The following DCAF8 variants were observed in gnomAD, a reference collection of about 807,000 sequenced individuals.
DCAF8 encodes the protein DDB1- and CUL4-associated factor 8.
DCAF8 carries 20 observed loss-of-function variants against 68.0 expected under a neutral mutation model. That is an observed-to-expected ratio of 0.29 (90% confidence interval 0.21 to 0.43). DCAF8 has a LOEUF of 0.43. Ranked by LOEUF, DCAF8 falls within the 20% of genes least tolerant of loss-of-function variation. The pLI, the probability that DCAF8 is intolerant of heterozygous loss-of-function variation, is 1.00. For missense variants in DCAF8, 460 were observed against 771.0 expected (o/e 0.60, Z 4.78); for synonymous variants, 230 against 276.9 (o/e 0.83, Z 1.68).
chr1:160,217,740 C>T, intron 13 of DCAF8, 32 bp from the exon 14 acceptor site: 1 of 1,557,900 alleles, frequency 6.4e-7, no homozygotes, highest in Non-Finnish European at 8.9e-7. Flanking sequence ...TAGTAACTTC[C>T]CTGGATGGAA....
At chr1:160,236,389 TATGTGTAC>T (rs1480048880) in intron 6 of DCAF8, among the ~76,000 whole-genome samples, 2 of 151,700 alleles carry the variant, frequency 1.3e-5, no homozygotes, top group African/African-American at 4.9e-5. Context: ...TGTGTGTATA[TATGTGTAC>T]ATGTGTATAT....
Position 160,218,316 on chromosome 1 carries a change from T to C in DCAF8, c.1677+8A>G, listed in dbSNP as rs1275084326. Reference sequence around the variant, plus strand: ...TCCCTTGGGAATTCATTTCCAACCCTAGCTTACCCGGTGATGGCGTCTCTG... The same window carrying C: ...TCCCTTGGGAATTCATTTCCAACCCCAGCTTACCCGGTGATGGCGTCTCTG... On this transcript the variant is annotated splice_region_variant and intron_variant, in intron 13 of 13. Transcript: ENST00000368074. The C allele has an allele frequency of 1.9e-6, 3 of 1,610,218 alleles. No individual in the cohort carries two copies. Among genetic ancestry groups the C allele is most frequent in the South Asian group, 1.1e-5 (1 of 90,998 alleles).
intron 6 of DCAF8, 111 bp from the exon 7 acceptor site, chr1:160,231,518 A>C: frequency 8.4e-6 from 6 of 714,860 alleles, no homozygotes; most frequent in East Asian, 2.6e-5. Context: ...AGAGATTCTC[A>C]TTTGGAAAGA....
At chr1:160,230,260 T>C (rs1464222939) in intron 7 of DCAF8, among the ~76,000 whole-genome samples, 1 of 152,204 alleles carries the variant, frequency 6.6e-6, no homozygotes, top group African/African-American at 2.4e-5. Context: ...AGGAAGATGA[T>C]GCTTTTCACT....
chr1:160,241,095 T>C (rs1031108258), intron 3 of DCAF8, among the ~76,000 whole-genome samples: 1 of 152,128 alleles, frequency 6.6e-6, no homozygotes, highest in Admixed American at 6.5e-5. Flanking sequence ...GAGCTTGCAG[T>C]GAGCCAAAGT....
At chr1:160,243,439 T>C (rs1656200358) in intron 3 of DCAF8, among the ~76,000 whole-genome samples, 1 of 149,860 alleles carries the variant, frequency 6.7e-6, no homozygotes. Flanking sequence ...AGACGGGGTC[T>C]CGCTATGTTG....
chr1:160,226,385 A>T (rs76261303), intron 7 of DCAF8, among the ~76,000 whole-genome samples: 3,154 of 152,204 alleles, frequency 0.021, 104 homozygotes, highest in African/African-American at 0.073. Context: ...CCTCATTCTT[A>T]TCAAGCACAC....
intron 2 of DCAF8, among the ~76,000 whole-genome samples, chr1:160,248,891 A>G (rs1302912571): frequency 6.7e-6 from 1 of 148,224 alleles, no homozygotes; most frequent in Non-Finnish European, 1.5e-5. Flanking sequence ...GAGTGACACC[A>G]TCTCAAAAAA....
intron 11 of DCAF8, 34 bp from the exon 12 acceptor site, chr1:160,219,002 A>C (rs1393723062): frequency 6.2e-7 from 1 of 1,612,578 alleles, no homozygotes; most frequent in African/African-American, 1.3e-5. Flanking sequence ...CAGACTCAGC[A>C]GTGTGTGGGA....
chr1:160,227,721 G>T (rs971066825), intron 7 of DCAF8, among the ~76,000 whole-genome samples: 1 of 152,170 alleles, frequency 6.6e-6, no homozygotes, highest in Non-Finnish European at 1.5e-5. Flanking sequence ...CATGAAAGTG[G>T]TCATAAACAA....
chr1:160,260,085 CA>C (rs59002926), intron 2 of DCAF8, among the ~76,000 whole-genome samples: 107 of 132,964 alleles, frequency 8.0e-4, no homozygotes, highest in African/African-American at 9.4e-4. Flanking sequence ...CAATGATGTG[CA>C]AAAAAAAAAA....
At position 160,218,858 on chromosome 1, in the gene DCAF8, C is replaced by T; in HGVS notation, c.1551G>A (p.Gly517=). The T allele has an allele frequency of 1.2e-6, 2 of 1,614,192 alleles. No homozygotes were observed. The highest frequency in any genetic ancestry group is 2.2e-5 in the South Asian group (2 of 91,076). The change falls in exon 12 of 14, where the codon GGG becomes GGA. Residue 517 remains glycine (G), a synonymous_variant. Coordinates refer to ENST00000368074, the MANE Select transcript of DCAF8 (RefSeq NM_015726.4). ...GCAGTCAGCCACTTACATCTTTTAA[C>T]CCTGTCAGCTCAGTGGAAGCTTCAG... is the stretch of plus-strand genomic sequence containing the variant. ...PTAEASTELT[G]LKDVIKKNKR... is the part of the protein sequence containing the mutation.
At chr1:160,233,748 C>T (rs1217130846) in intron 6 of DCAF8, among the ~76,000 whole-genome samples, 1 of 152,126 alleles carries the variant, frequency 6.6e-6, no homozygotes, top group African/African-American at 2.4e-5. Context: ...TTATGTAATC[C>T]TGCTGAAGAG....
chr1:160,231,151 T>TA, intron 7 of DCAF8, 146 bp downstream of exon 7: 1 of 637,848 alleles, frequency 1.6e-6, no homozygotes. Context: ...CAAAGGCGTG[T>TA]AAGATTTTTG....
intron 3 of DCAF8, among the ~76,000 whole-genome samples, chr1:160,241,896 TCAA>T (rs1339413430): frequency 6.6e-6 from 1 of 152,098 alleles, no homozygotes; most frequent in Admixed American, 6.6e-5. Context: ...TGAAAAAAGA[TCAA>T]CAATACAAGT....
At chr1:160,243,918 G>T in intron 3 of DCAF8, 42 bp downstream of exon 3, 1 of 1,603,914 alleles carries the variant, frequency 6.2e-7, no homozygotes, top group South Asian at 1.1e-5. Flanking sequence ...GACAACCTCA[G>T]TTGATAGTAA....
chr1:160,245,740 A>T (rs756383621), intron 2 of DCAF8, among the ~76,000 whole-genome samples: 1 of 152,222 alleles, frequency 6.6e-6, no homozygotes, highest in Non-Finnish European at 1.5e-5. Context: ...AGTTTTGTAT[A>T]GCATTCCTCA....
intron 2 of DCAF8, among the ~76,000 whole-genome samples, chr1:160,248,242 G>A (rs1656433041): frequency 6.6e-6 from 1 of 152,068 alleles, no homozygotes; most frequent in Non-Finnish European, 1.5e-5. Flanking sequence ...AGGAGGTGGA[G>A]GTTGCAGTGA....
chr1:160,243,508 T>C (rs1656204382), intron 3 of DCAF8, among the ~76,000 whole-genome samples: 1 of 151,240 alleles, frequency 6.6e-6, no homozygotes, highest in South Asian at 2.1e-4. Flanking sequence ...CCTCCCAAAG[T>C]GCTGAGATTA....
Sources: gnomAD v4.1 joint callset for allele counts (sites outside exome capture counted in the v4.1 genomes callset) on GRCh38, gnomAD v4.1.1 for gene constraint, MANE v1.5 for transcripts, NCBI Gene and HGNC (gene_info 2026-07-23, HGNC 2026-07-21) for gene names.